The following BRINP1 variants were observed in gnomAD, a reference collection of about 807,000 sequenced individuals.
BRINP1 encodes the protein BMP/retinoic acid inducible neural specific 1, also known as BMP/retinoic acid-inducible neural-specific protein 1.
In BRINP1, 17 loss-of-function variants were observed where a neutral mutation model predicts 72.9. That is an observed-to-expected ratio of 0.23 (90% CI 0.16 to 0.35). The LOEUF (loss-of-function observed/expected upper bound fraction) is 0.35. Among genes scored for constraint, BRINP1 ranks in the 10% least tolerant of loss-of-function variants. BRINP1 has a pLI of 1.00. For missense variants in BRINP1, 850 were observed against 1,001.6 expected, an observed-to-expected ratio of 0.85 and a Z score of 2.04; for synonymous variants, 418 against 378.5, an observed-to-expected ratio of 1.10 and a Z score of -1.21.
chr9:119,167,072 A>G lies in BRINP1; in HGVS notation c.*12T>C, dbSNP rs547054989. On this transcript the variant is annotated 3_prime_UTR_variant, in exon 8 of 8. Transcript: ENST00000265922. This position sits in a 1 kb window ranked among gnomAD's most constrained non-coding sequence, Gnocchi z 4.3. ...ACAACAACAGGAAAAGTCCATGGCA[A>G]GGAGTCCCGGGTTAGCAGAGTTTGG... 3 of 1,578,960 alleles carry G rather than the reference A, an allele frequency of 1.9e-6. No individual in the cohort carries two copies. Among genetic ancestry groups the G allele is most frequent in the South Asian group, 1.2e-5 (1 of 85,392 alleles).
At chr9:119,264,396 A>C (rs2118940782) in intron 2 of BRINP1, among the ~76,000 whole-genome samples, 1 of 152,364 alleles carries the variant, frequency 6.6e-6, no homozygotes, top group Non-Finnish European at 1.5e-5. Flanking sequence ...AGCCAGAATT[A>C]TCTTCTCAAA....
intron 1 of BRINP1, among the ~76,000 whole-genome samples, chr9:119,334,246 G>A (rs538423622): frequency 7.2e-5 from 11 of 152,322 alleles, no homozygotes; most frequent in African/African-American, 2.6e-4. Flanking sequence ...CCTGCTCAAG[G>A]AAGAGGGCCA....
chr9:119,343,161 G>C (rs530522402), intron 1 of BRINP1, among the ~76,000 whole-genome samples: 6 of 152,324 alleles, frequency 3.9e-5, no homozygotes, highest in African/African-American at 1.4e-4. Flanking sequence ...TACTTTGGCT[G>C]CTGTGCTGTG....
rs575413889 is a variant in BRINP1, at chr9:119,292,851, T to C, written c.218+20287A>G. Among the ~76,000 whole-genome samples the C allele has an allele frequency of 1.6e-4, 25 of 152,316 alleles. No homozygotes were observed. The East Asian group carries it at 1.9e-3, about 12-fold the overall frequency. ...TTTGTATTTTACAGCGGTGACTAGATGAAAGATCAGATGTTTAGATAAGGT... is the reference window on the plus strand; with the variant it reads ...TTTGTATTTTACAGCGGTGACTAGACGAAAGATCAGATGTTTAGATAAGGT... On this transcript the variant is annotated intron_variant, in intron 2 of 7. Coordinates refer to ENST00000265922, the MANE Select transcript of BRINP1 (RefSeq NM_014618.3).
At chr9:119,230,526 A>C (rs1294841288) in intron 5 of BRINP1, among the ~76,000 whole-genome samples, 6 of 151,968 alleles carry the variant, frequency 3.9e-5, no homozygotes, top group Non-Finnish European at 8.8e-5. Context: ...GATTCTGATG[A>C]GGGGACATTT....
In BRINP1 at chr9:119,252,488, TTA is replaced by T. The variant is rs563759191; in HGVS notation, c.219-3340_219-3339del. Reference sequence around the variant, plus strand: ...ATTATATATACATATAATTATGAGGTTATATATATATATGCATATAAACATAC... The same window carrying T: ...ATTATATATACATATAATTATGAGGTTATATATATATGCATATAAACATAC... On this transcript the variant is annotated intron_variant, in intron 2 of 7. Transcript: ENST00000265922. Among the ~76,000 whole-genome samples the T allele has an allele frequency of 4.0e-3, 609 of 150,858 alleles. 4 individuals are homozygous for T. Among genetic ancestry groups the T allele is most frequent in the African/African-American group, 0.012 (489 of 41,166 alleles).
intron 2 of BRINP1, 120 bp downstream of exon 2, chr9:119,313,017 GA>G: frequency 9.0e-7 from 1 of 1,116,014 alleles, no homozygotes; most frequent in Non-Finnish European, 1.2e-6. Flanking sequence ...ACAGCTTGTG[GA>G]AGGAGCACAG....
chr9:119,330,237 A>T (rs1266971858), intron 1 of BRINP1, among the ~76,000 whole-genome samples: 1 of 152,038 alleles, frequency 6.6e-6, no homozygotes, highest in Non-Finnish European at 1.5e-5. Flanking sequence ...ACTGATCTTT[A>T]CCTCCTCATC....
chr9:119,247,424 G>A (rs886606150), intron 3 of BRINP1, among the ~76,000 whole-genome samples: 9 of 151,966 alleles, frequency 5.9e-5, no homozygotes, highest in African/African-American at 1.9e-4. Flanking sequence ...AGGCCAAGAC[G>A]GGCGGATCAC....
chr9:119,319,933 G>C (rs990300429), intron 1 of BRINP1, among the ~76,000 whole-genome samples: 1 of 152,158 alleles, frequency 6.6e-6, no homozygotes, highest in African/African-American at 2.4e-5. Context: ...TCACACCCAA[G>C]TGTGAACAAT....
intron 2 of BRINP1, among the ~76,000 whole-genome samples, chr9:119,297,906 A>C (rs774178032): frequency 6.6e-6 from 1 of 152,236 alleles, no homozygotes; most frequent in Non-Finnish European, 1.5e-5. Flanking sequence ...ACTGCAATGC[A>C]ACCTCCATTT....
At chr9:119,353,822 C>CTTTTTTTT (rs138900910) in intron 1 of BRINP1, among the ~76,000 whole-genome samples, 2 of 30,958 alleles carry the variant, frequency 6.5e-5, no homozygotes. Flanking sequence ...GTTTTGAGCA[C>CTTTTTTTT]TTTTTTTTTT....
intron 7 of BRINP1, among the ~76,000 whole-genome samples, chr9:119,199,269 A>G (rs1000248495): frequency 2.6e-5 from 4 of 152,204 alleles, no homozygotes; most frequent in South Asian, 4.1e-4. Context: ...GATGAAATCC[A>G]GAGACAAATA....
chr9:119,333,789 G>T (rs1352538186), intron 1 of BRINP1, among the ~76,000 whole-genome samples: 1 of 152,142 alleles, frequency 6.6e-6, no homozygotes, highest in African/African-American at 2.4e-5. Flanking sequence ...AAGGAACAAG[G>T]TGTTTCATTG....
chr9:119,341,585 C>A (rs896283058), intron 1 of BRINP1, among the ~76,000 whole-genome samples: 3 of 152,152 alleles, frequency 2.0e-5, no homozygotes, highest in African/African-American at 7.2e-5. Context: ...TGACACTCTA[C>A]AGTGTGCGGT....
chr9:119,183,610 C>T (rs1428867270), intron 7 of BRINP1, among the ~76,000 whole-genome samples: 1 of 152,152 alleles, frequency 6.6e-6, no homozygotes, highest in African/African-American at 2.4e-5. Context: ...TTTCCACTTT[C>T]TGTACGTATG....
chr9:119,305,315 AAAC>A (rs1456457430), intron 2 of BRINP1, among the ~76,000 whole-genome samples: 1 of 152,230 alleles, frequency 6.6e-6, no homozygotes, highest in Non-Finnish European at 1.5e-5. Context: ...AAATGTACAA[AAAC>A]AACAACAAAG....
intron 1 of BRINP1, among the ~76,000 whole-genome samples, chr9:119,355,728 CAA>C (rs1176143696): frequency 1.5e-4 from 16 of 107,892 alleles, no homozygotes; most frequent in East Asian, 3.0e-4. Flanking sequence ...GACTCCGTCT[CAA>C]AAAAAAAAAA....
intron 1 of BRINP1, among the ~76,000 whole-genome samples, chr9:119,319,980 A>G (rs927740862): frequency 6.6e-6 from 1 of 152,220 alleles, no homozygotes; most frequent in Non-Finnish European, 1.5e-5. Flanking sequence ...TACTATAATA[A>G]AGAAATGAAG....
Sources: gnomAD v4.1 joint callset for allele counts (sites outside exome capture counted in the v4.1 genomes callset) on GRCh38, gnomAD v4.1.1 for gene constraint, Gnocchi (gnomAD v3.1) non-coding constraint, MANE v1.5 for transcripts, NCBI Gene and HGNC (gene_info 2026-07-23, HGNC 2026-07-21) for gene names.